Variants in CRB1 observed in about 807,000 individuals in gnomAD.
CRB1 encodes protein crumbs homolog 1.
A neutral mutation model predicts 120.0 loss-of-function variants in CRB1; 83 were observed. The observed-to-expected ratio is 0.69, with a 90% CI of 0.58 to 0.83. The LOEUF is 0.83. CRB1 is among the 40% of genes least tolerant of loss of function. The pLI is 0.00. For missense variants in CRB1, 1,699 were observed against 1,687.6 expected (o/e 1.01, Z -0.12); for synonymous variants, 625 against 612.5 (o/e 1.02, Z -0.30).
At chr1:197,401,494 C>A (rs1459564519) in intron 5 of CRB1, among the ~76,000 whole-genome samples, 1 of 152,088 alleles carries the variant, frequency 6.6e-6, no homozygotes, top group East Asian at 1.9e-4. Flanking sequence ...AGCTTGGGAA[C>A]AAATTGTTGT....
At chr1:197,347,226 G>A in intron 3 of CRB1, 114 bp from the exon 4 acceptor site, 1 of 891,812 alleles carries the variant, frequency 1.1e-6, no homozygotes, top group Non-Finnish European at 1.9e-6. Context: ...GAGTTTTTGA[G>A]GTAGTAAGAT....
At chr1:197,255,490 G>A in the CRB1 span, among the ~76,000 whole-genome samples, 1 of 152,068 alleles carries the variant, frequency 6.6e-6, no homozygotes, top group Non-Finnish European at 1.5e-5. Flanking sequence ...ATCTAGCCAT[G>A]GAAAATATTT....
rs896538099 is a variant in CRB1, at chr1:197,351,382, A to AAG, written c.988+3904_988+3905insGA. On this transcript the variant is annotated intron_variant, in intron 4 of 11. Coordinates refer to ENST00000367400, the MANE Select transcript of CRB1 (RefSeq NM_201253.3). ...GACTTGGCAAAAAAAAAAAAAAAAA[A>AAG]AAAAGGAGAAGAAAAGAAAAGAGAA... 1.5e-4 allele frequency among the ~76,000 whole-genome samples: 21 copies of AAG among 138,902 alleles called. 1 individual carries two copies. Among genetic ancestry groups the AAG allele is most frequent in the Admixed American group, 2.3e-4 (3 of 12,768 alleles). 91.1% of individuals were successfully genotyped at this position (138,902 alleles called of 152,430 possible).
chr1:197,444,156 T>C (rs1385522021), intron 11 of CRB1: 1 of 152,210 alleles, frequency 6.6e-6, no homozygotes, highest in Non-Finnish European at 1.5e-5. Context: ...GACAAAATAA[T>C]ATCCTTGTTA....
the CRB1 span, among the ~76,000 whole-genome samples, chr1:197,225,901 C>CT: frequency 7.3e-5 from 11 of 151,666 alleles, no homozygotes; most frequent in East Asian, 5.8e-4. Context: ...GCCTTTCTTT[C>CT]TTTTTTTTTC....
In CRB1 at chr1:197,344,327, T is replaced by A. The variant is rs1659643864; in HGVS notation, c.699T>A (p.Cys233Ter). 1 of 1,614,212 alleles carries A rather than the reference T, an allele frequency of 6.2e-7. No individual in the cohort carries two copies. Among genetic ancestry groups the A allele is most frequent in the Non-Finnish European group, 8.5e-7 (1 of 1,180,028 alleles). ...LEIDECWSQPCLNGATCQDAL... is the reference protein window; with the variant it reads ...LEIDECWSQP Reference sequence around the variant, plus strand: ...TTGACGAATGTTGGTCCCAGCCTTGTTTAAATGGTGCAACTTGTCAGGATG... The same window carrying A: ...TTGACGAATGTTGGTCCCAGCCTTGATTAAATGGTGCAACTTGTCAGGATG... The change falls in exon 3 of 12, where the codon TGT (cysteine) becomes TGA (stop). Residue 233 changes from cysteine (C) to a stop codon, truncating the protein, a stop_gained. Transcript: ENST00000367400. LOFTEE classifies it high-confidence loss of function.
At chr1:197,219,670 T>C in the CRB1 span, among the ~76,000 whole-genome samples, 11 of 152,246 alleles carry the variant, frequency 7.2e-5, no homozygotes, top group Non-Finnish European at 1.3e-4. Context: ...TCCTCTTAGC[T>C]TTGCTGAAGC....
intron 2 of CRB1, among the ~76,000 whole-genome samples, chr1:197,330,625 A>G (rs1446883345): frequency 6.6e-6 from 1 of 152,190 alleles, no homozygotes; most frequent in East Asian, 1.9e-4. Flanking sequence ...TTTAAGACCT[A>G]GTTCAAATAT....
intron 11 of CRB1, 137 bp from the exon 12 acceptor site, chr1:197,477,526 TA>T: frequency 1.3e-6 from 1 of 758,572 alleles, no homozygotes; most frequent in Non-Finnish European, 2.4e-6. Context: ...GACTTTCTTT[TA>T]ATACCTTGGT....
the CRB1 span, among the ~76,000 whole-genome samples, chr1:197,215,364 A>C: frequency 7.1e-6 from 1 of 140,122 alleles, no homozygotes; most frequent in South Asian, 2.3e-4. Context: ...CACAACCTCC[A>C]CCTCCTGTGT....
chr1:197,203,469 C>T, the CRB1 span, among the ~76,000 whole-genome samples: 4 of 152,074 alleles, frequency 2.6e-5, no homozygotes, highest in Admixed American at 6.6e-5. Flanking sequence ...TGACTACAGG[C>T]GCATGCTACC....
intron 1 of CRB1, among the ~76,000 whole-genome samples, chr1:197,300,733 T>C (rs1656814925): frequency 6.6e-6 from 1 of 152,204 alleles, no homozygotes; most frequent in South Asian, 2.1e-4. Flanking sequence ...AACAACCTCC[T>C]GTTGGAAGAA....
chr1:197,454,833 T>C (rs1370367143), intron 11 of CRB1, among the ~76,000 whole-genome samples: 1 of 152,158 alleles, frequency 6.6e-6, no homozygotes, highest in Non-Finnish European at 1.5e-5. Flanking sequence ...TATTCATTCA[T>C]CCACCATTTA....
rs149457139 is a variant in CRB1, at chr1:197,424,802, T to C, written c.2129-2652T>C. ...TTAAATTTCATCTTGTTGTATTCCA[T>C]CAATCATTAAAGCTTGCCAAAATTG... On this transcript the variant is annotated intron_variant, in intron 6 of 11. Coordinates refer to ENST00000367400, the MANE Select transcript of CRB1 (RefSeq NM_201253.3). 3.7e-4 allele frequency among the ~76,000 whole-genome samples: 56 copies of C among 152,328 alleles called. No individual in the cohort carries two copies. The East Asian group carries it at 0.01, about 28-fold the overall frequency.
At chr1:197,256,267 C>A in the CRB1 span, among the ~76,000 whole-genome samples, 1 of 151,712 alleles carries the variant, frequency 6.6e-6, no homozygotes, top group Admixed American at 6.6e-5. Flanking sequence ...CTTCTACTCA[C>A]TGGCTGCTTT....
At position 197,427,593 on chromosome 1, in the gene CRB1, A is replaced by G. The variant is rs1240250876; in HGVS notation, c.2268A>G (p.Glu756=). 1 of 1,614,010 alleles carries G rather than the reference A, an allele frequency of 6.2e-7. No individual in the cohort carries two copies. Among genetic ancestry groups the G allele is most frequent in the Non-Finnish European group, 8.5e-7 (1 of 1,179,982 alleles). Residue 756 remains glutamate (E), a synonymous_variant, in exon 7 of 12, where the codon GAA becomes GAG. Coordinates refer to ENST00000367400, the MANE Select transcript of CRB1 (RefSeq NM_201253.3). ...LQPSGLLLAL[E]NSTYQYIRVW... ...CATCAGGCTTACTTCTAGCTTTGGA[A>G]AACAGCACTTATCAATATATCCGTG...
chr1:197,436,842 G>T (rs1336784140), intron 9 of CRB1, among the ~76,000 whole-genome samples: 1 of 152,086 alleles, frequency 6.6e-6, no homozygotes, highest in African/African-American at 2.4e-5. Context: ...GATAATCCTG[G>T]ATAGTCCTTT....
At chr1:197,287,989 C>CT (rs1655931175) in intron 1 of CRB1, among the ~76,000 whole-genome samples, 1 of 151,722 alleles carries the variant, frequency 6.6e-6, no homozygotes, top group South Asian at 2.1e-4. Flanking sequence ...AAGGTGAGCC[C>CT]TATTGCTTGA....
intron 1 of CRB1, among the ~76,000 whole-genome samples, chr1:197,318,842 G>C (rs1171866649): frequency 6.6e-6 from 1 of 152,098 alleles, no homozygotes; most frequent in Non-Finnish European, 1.5e-5. Context: ...GGGAGGTTAG[G>C]GAACAAGTGG....
Sources: allele counts gnomAD v4.1 joint callset (sites outside exome capture counted in the v4.1 genomes callset), GRCh38; gene constraint gnomAD v4.1.1; transcripts MANE v1.5; gene names NCBI Gene and HGNC (gene_info 2026-07-23, HGNC 2026-07-21).